Variants in GALNT15 observed in about 807,000 individuals in gnomAD.
GALNT15 encodes polypeptide N-acetylgalactosaminyltransferase 15.
Under a neutral mutation model 66.8 loss-of-function variants are expected in GALNT15, and 67 were observed. The observed-to-expected ratio is 1.00, with a 90% CI of 0.82 to 1.23. The LOEUF (loss-of-function observed/expected upper bound fraction) is 1.23. Ranked by LOEUF, GALNT15 falls within the 50% of genes most tolerant of loss-of-function variation. The pLI is 0.00. For synonymous variants in GALNT15, 313 were observed against 311.5 expected (o/e 1.00, Z -0.05); for missense variants, 827 against 804.3 (o/e 1.03, Z -0.34).
downstream of GALNT15, among the ~76,000 whole-genome samples, chr3:16,233,211 C>T (rs1330481628): frequency 6.7e-6 from 1 of 149,450 alleles, no homozygotes; most frequent in Non-Finnish European, 1.5e-5. Context: ...TTCTCTGCCT[C>T]AGCCTCCCAA....
At chr3:16,218,888 C>T (rs894957882) in intron 6 of GALNT15, among the ~76,000 whole-genome samples, 3 of 146,266 alleles carry the variant, frequency 2.1e-5, no homozygotes, top group Admixed American at 7.0e-5. Context: ...GATCTTGGCT[C>T]ACTGTAGCCT....
Position 16,211,008 on chromosome 3 carries a change from C to G in GALNT15, c.1080-116C>G. On this transcript the variant is annotated intron_variant, in intron 4 of 9. Coordinates refer to ENST00000339732, the MANE Select transcript of GALNT15 (RefSeq NM_054110.5). This position sits in a 1 kb window ranked among gnomAD's most constrained non-coding sequence, Gnocchi z 4.3. ...ATTAAAAAATTGCATTTTACCTGAG[C>G]CTAAAGCCTGTTCTCTCAGCCACTG... is the stretch of plus-strand genomic sequence containing the variant. 1 of 715,380 alleles carries G rather than the reference C, an allele frequency of 1.4e-6. No individual in the cohort carries two copies. The highest frequency in any genetic ancestry group is 2.5e-6 in the Non-Finnish European group (1 of 401,002). 44.3% of individuals were successfully genotyped at this position (715,380 alleles called of 1,614,324 possible).
intron 6 of GALNT15, among the ~76,000 whole-genome samples, chr3:16,215,198 A>C (rs1246417857): frequency 6.6e-6 from 1 of 152,234 alleles, no homozygotes; most frequent in Non-Finnish European, 1.5e-5. Context: ...TGGTTGGTGC[A>C]ATTAGAAGTG....
At chr3:16,212,261 A>T (rs1047458927) in intron 5 of GALNT15, among the ~76,000 whole-genome samples, 5 of 151,958 alleles carry the variant, frequency 3.3e-5, no homozygotes, top group East Asian at 3.9e-4. Context: ...GCTAATTCAC[A>T]TGCTACATCT....
At chr3:16,212,805 G>T in intron 6 of GALNT15, 42 bp downstream of exon 6, 2 of 1,552,154 alleles carry the variant, frequency 1.3e-6, no homozygotes, top group East Asian at 4.5e-5. Context: ...CCAGCACAGG[G>T]CCACTAGCAG....
chr3:16,212,708 G>C lies in GALNT15; in HGVS notation c.1337G>C (p.Gly446Ala). The C allele has an allele frequency of 6.2e-7, 1 of 1,613,964 alleles. No individual in the cohort carries two copies. Among genetic ancestry groups the C allele is most frequent in the Non-Finnish European group, 8.5e-7 (1 of 1,180,020 alleles). ...GTTCGCATTGCTGAGACCTGGCTGG[G>C]GTCATTCAAAGAAACCTTCTACAAG... The part of the protein sequence containing the change: ...NRVRIAETWL[G>A]SFKETFYKHS... The change falls in exon 6 of 10, where the codon GGG becomes GCG. Residue 446 changes from glycine (G) to alanine (A), a missense_variant. Coordinates refer to ENST00000339732, the MANE Select transcript of GALNT15 (RefSeq NM_054110.5).
At chr3:16,246,614 G>A in the GALNT15 span, among the ~76,000 whole-genome samples, 1 of 152,054 alleles carries the variant, frequency 6.6e-6, no homozygotes, top group African/African-American at 2.4e-5. Flanking sequence ...GAGCCACCGC[G>A]CCCAGCCTGA....
chr3:16,185,139 AT>A (rs2063505056), intron 1 of GALNT15, among the ~76,000 whole-genome samples: 1 of 152,238 alleles, frequency 6.6e-6, no homozygotes. Flanking sequence ...TAGGCTGTCA[AT>A]AAATATCTGT....
intron 5 of GALNT15, 73 bp from the exon 6 acceptor site, chr3:16,212,496 A>G (rs570209017): frequency 3.5e-6 from 5 of 1,427,808 alleles, no homozygotes; most frequent in Non-Finnish European, 4.8e-6. Context: ...AGCCCCTCAT[A>G]GATAGGGCTC....
chr3:16,215,566 T>A (rs4685322), intron 6 of GALNT15, among the ~76,000 whole-genome samples: 94,058 of 151,970 alleles, frequency 0.62, 29,205 homozygotes, highest in African/African-American at 0.65. Flanking sequence ...AAATAAGCTA[T>A]CCTCTACAGT....
intron 2 of GALNT15, among the ~76,000 whole-genome samples, chr3:16,196,968 C>A (rs940596799): frequency 2.0e-5 from 3 of 152,184 alleles, no homozygotes; most frequent in African/African-American, 7.2e-5. Context: ...CCTAGCCTGG[C>A]CATAGCAGTG....
At position 16,228,885 on chromosome 3, in the gene GALNT15, A is replaced by G. The variant is rs1278506092; in HGVS notation, c.*1385A>G. 3 of 985,322 alleles carry G rather than the reference A, an allele frequency of 3.0e-6. No individual in the cohort carries two copies. The highest frequency in any genetic ancestry group is 3.6e-6 in the Non-Finnish European group (3 of 829,940). The allele number at this position is 985,322 out of a possible 1,614,324, so 61.0% of individuals were successfully genotyped here. A position where few individuals can be genotyped will look rare whatever the true frequency, so the allele number is the denominator to read the frequency against. On this transcript the variant is annotated 3_prime_UTR_variant, in exon 10 of 10. Transcript: ENST00000339732. ...AAATGTGTCCACAGGTTGAATGTCCATGAGTGTGGGAAGAACACGGCTCAT... is the reference window on the plus strand; with the variant it reads ...AAATGTGTCCACAGGTTGAATGTCCGTGAGTGTGGGAAGAACACGGCTCAT...
chr3:16,244,432 C>T, the GALNT15 span, among the ~76,000 whole-genome samples: 9 of 152,242 alleles, frequency 5.9e-5, no homozygotes, highest in African/African-American at 2.2e-4. Flanking sequence ...GAGCTTTAAA[C>T]AGGATTCTGA....
intron 6 of GALNT15, among the ~76,000 whole-genome samples, chr3:16,218,633 C>A (rs1458546134): frequency 2.0e-5 from 3 of 152,062 alleles, no homozygotes; most frequent in Non-Finnish European, 2.9e-5. Flanking sequence ...CTTGCCCCAA[C>A]CCCTAGCCCA....
Position 16,225,149 on chromosome 3 carries a change from G to C in GALNT15, c.1774-2205G>C, listed in dbSNP as rs888426710. 3.0e-4 allele frequency among the ~76,000 whole-genome samples: 46 copies of C among 152,022 alleles called. No individual in the cohort carries two copies. The highest frequency in any genetic ancestry group is 8.7e-4 in the African/African-American group (36 of 41,364). On this transcript the variant is annotated intron_variant, in intron 9 of 9. Coordinates refer to ENST00000339732, the MANE Select transcript of GALNT15 (RefSeq NM_054110.5). This position sits in a 1 kb window ranked among gnomAD's most constrained non-coding sequence, Gnocchi z 4.4. ...AAAGCAGGAACAAGAGAAAGAGAGT[G>C]GGGGAGGGGGTGCCACACACTCTTA...
chr3:16,188,848 C>T lies in GALNT15; in HGVS notation c.540-6912C>T, dbSNP rs933270982. Among the ~76,000 whole-genome samples the T allele has an allele frequency of 6.6e-6, 1 of 152,058 alleles. No homozygotes were observed. Among genetic ancestry groups the T allele is most frequent in the Non-Finnish European group, 1.5e-5 (1 of 68,014 alleles). On this transcript the variant is annotated intron_variant, in intron 1 of 9. Transcript: ENST00000339732. This position sits in a 1 kb window ranked among gnomAD's most constrained non-coding sequence, Gnocchi z 4.6. ...GATGACAGGTCCTTAGCACCATTTC[C>T]CTCTCTGTCCTCACTTCCACCTCCC... is the stretch of plus-strand genomic sequence containing the variant.
intron 9 of GALNT15, among the ~76,000 whole-genome samples, chr3:16,226,923 A>T (rs938820846): frequency 2.9e-4 from 44 of 152,208 alleles, no homozygotes; most frequent in Non-Finnish European, 1.5e-5. Context: ...TATATCCTAG[A>T]GGTCTTGCTC....
At position 16,195,637 on chromosome 3, in the gene GALNT15, A is replaced by T. The variant is rs1367227511; in HGVS notation, c.540-123A>T. Reference sequence around the variant, plus strand: ...TCTTTTTATATGGGAATTTTAAGAGATCCCATAGGACAGCCATATAATGGG... The same window carrying T: ...TCTTTTTATATGGGAATTTTAAGAGTTCCCATAGGACAGCCATATAATGGG... On this transcript the variant is annotated intron_variant, in intron 1 of 9. Transcript: ENST00000339732. This position sits in a 1 kb window ranked among gnomAD's most constrained non-coding sequence, Gnocchi z 4.6. 4.2e-6 allele frequency: 3 copies of T among 709,038 alleles called. No homozygotes were observed. The highest frequency in any genetic ancestry group is 6.7e-6 in the Non-Finnish European group (3 of 445,462). The allele number at this position is 709,038 out of a possible 1,614,324, so 43.9% of individuals were successfully genotyped here. A position where few individuals can be genotyped will look rare whatever the true frequency, so the allele number is the denominator to read the frequency against.
At chr3:16,192,540 AC>A (rs1446038883) in intron 1 of GALNT15, among the ~76,000 whole-genome samples, 1 of 152,080 alleles carries the variant, frequency 6.6e-6, no homozygotes, top group African/African-American at 2.4e-5. Flanking sequence ...CCTGTCTAGG[AC>A]CCCTGGGTTT....
Sources: gnomAD v4.1 joint callset for allele counts (sites outside exome capture counted in the v4.1 genomes callset) on GRCh38, gnomAD v4.1.1 for gene constraint, Gnocchi (gnomAD v3.1) non-coding constraint, MANE v1.5 for transcripts, NCBI Gene and HGNC (gene_info 2026-07-23, HGNC 2026-07-21) for gene names.